Variants in AHCTF1 observed in about 807,000 individuals in gnomAD.
The protein encoded by AHCTF1 is AT-hook containing transcription factor 1.
Under a neutral mutation model 248.4 loss-of-function variants are expected in AHCTF1, and 24 were observed. That is an observed-to-expected ratio of 0.10 (90% CI 0.07 to 0.14). The LOEUF is 0.14. Among genes scored for constraint, AHCTF1 ranks in the 10% least tolerant of loss-of-function variants. The probability of loss-of-function intolerance (pLI) is 1.00; values close to 1 mark genes in which losing one functional copy is unlikely to be tolerated. For synonymous variants in AHCTF1, 786 were observed against 929.8 expected (o/e 0.85, Z 2.81); for missense variants, 2,206 against 2,636.2 (o/e 0.84, Z 3.57).
In AHCTF1 at chr1:246,850,657, A is replaced by C; in HGVS notation, c.5349T>G (p.Ser1783=). 1 of 1,613,908 alleles carries C rather than the reference A, an allele frequency of 6.2e-7. No homozygotes were observed. Among genetic ancestry groups the C allele is most frequent in the Non-Finnish European group, 8.5e-7 (1 of 1,179,842 alleles). Residue 1783 remains serine (S), a synonymous_variant, in exon 33 of 36, where the codon TCT becomes TCG. Coordinates refer to ENST00000648844, the MANE Select transcript of AHCTF1 (RefSeq NM_001323342.2). ...CAGAATAGATGTTTTCAGAAGCTTC[A>C]GAAATTTCTTTTGCCTTCCTAGTTT... is the stretch of plus-strand genomic sequence containing the variant. ...RKKTRKAKEI[S]EASENIYSDV...
At chr1:246,848,266 TAC>T (rs1479243611) in intron 33 of AHCTF1, among the ~76,000 whole-genome samples, 3 of 152,082 alleles carry the variant, frequency 2.0e-5, no homozygotes, top group Non-Finnish European at 4.4e-5. Context: ...CGGGCTGGAA[TAC>T]AGTGGCACAA....
chr1:246,910,822 G>A (rs1272642729), intron 4 of AHCTF1, among the ~76,000 whole-genome samples: 3 of 152,194 alleles, frequency 2.0e-5, no homozygotes, highest in East Asian at 3.9e-4. Flanking sequence ...TTCACACAAT[G>A]GGATACTACA....
In AHCTF1 at chr1:246,850,241, T is replaced by C. The variant is rs142603415; in HGVS notation, c.5765A>G (p.Asp1922Gly). 6,911 of 1,613,970 alleles carry C rather than the reference T, an allele frequency of 4.3e-3. 25 individuals carry two copies. Among genetic ancestry groups the C allele is most frequent in the Middle Eastern group, 0.012 (73 of 6,056 alleles). ...DASENTGNKQ[D>G]DKSSDKQLRI... The stretch of plus-strand genomic sequence containing the variant: ...CAGCTGCTTGTCACTGGATTTATCA[T>C]CTTGCTTATTTCCTGTATTTTCAGA... The change falls in exon 33 of 36, where the codon GAT (aspartate) becomes GGT (glycine). Residue 1922 changes from aspartate (D) to glycine (G), a missense_variant. Asp to Gly is a moderately conservative substitution (Grantham distance 94). Around this residue, in one of 6 missense-constraint regions of AHCTF1, gnomAD observed 469 missense variants for 470.0 expected, o/e 1.00. Transcript: ENST00000648844.
In AHCTF1 at chr1:246,885,441, AT is replaced by A; in HGVS notation, c.2660+51del. The A allele has an allele frequency of 2.7e-6, 4 of 1,456,022 alleles. No homozygotes were observed. In the East Asian group the frequency reaches 9.2e-5, roughly 34 times the overall value. 90.2% of individuals were successfully genotyped at this position (1,456,022 alleles called of 1,614,324 possible). A position where few individuals can be genotyped will look rare whatever the true frequency, so the allele number is the denominator to read the frequency against. On this transcript the variant is annotated intron_variant, in intron 21 of 35. Transcript: ENST00000648844. ...TGCCACTGTCTATCTCATCAATTCC[AT>A]TTTATTAACAGATACGATAAAGACT...
chr1:246,847,065 T>C (rs773838424), intron 33 of AHCTF1, among the ~76,000 whole-genome samples: 1 of 152,112 alleles, frequency 6.6e-6, no homozygotes, highest in Non-Finnish European at 1.5e-5. Flanking sequence ...GGCGGGTGGA[T>C]TATCTGAGGT....
At position 246,849,711 on chromosome 1, in the gene AHCTF1, T is replaced by C; in HGVS notation, c.6295A>G (p.Thr2099Ala). ...SFTKSSRSSR[T>A]RSSKAILLPD... ...AACAAGATGGCCTTGCTAGACCGAG[T>C]CCTGCTGCTGCGGGATGATTTAGTG... The change falls in exon 33 of 36, where the codon ACT becomes GCT. Residue 2099 changes from threonine (T) to alanine (A), a missense_variant. Coordinates refer to ENST00000648844, the MANE Select transcript of AHCTF1 (RefSeq NM_001323342.2). 1 of 1,614,008 alleles carries C rather than the reference T, an allele frequency of 6.2e-7. No homozygotes were observed. Among genetic ancestry groups the C allele is most frequent in the East Asian group, 2.2e-5 (1 of 44,884 alleles).
In AHCTF1 at chr1:246,861,178, C is replaced by G; in HGVS notation, c.3853G>C (p.Glu1285Gln). Residue 1285 changes from glutamate to glutamine, a missense_variant, in exon 29 of 36, where the codon GAA (glutamate) becomes CAA (glutamine). Glu to Gln is a conservative substitution (Grantham distance 29). Transcript: ENST00000648844. ...TCATCCATTTCTTGATGCTCCTTTT[C>G]AGGGCTGTTCAGGAAAAAAGATGTG... ...RTTSFFLNSPEKEHQEMDEGS... is the reference protein window; with the variant it reads ...RTTSFFLNSPQKEHQEMDEGS... The G allele has an allele frequency of 1.2e-6, 2 of 1,613,694 alleles. No individual in the cohort carries two copies. The highest frequency in any genetic ancestry group is 1.7e-6 in the Non-Finnish European group (2 of 1,180,032).
rs1276367548 is a variant in AHCTF1 at position 246,854,928 on chromosome 1, G to GTTAA, written c.4354+798_4354+801dup. Among the ~76,000 whole-genome samples the GTTAA allele has an allele frequency of 2.0e-5, 3 of 149,528 alleles. No individual in the cohort carries two copies. In the East Asian group the frequency reaches 5.9e-4, roughly 30 times the overall value. ...AAATTCAGGAAAGACACTTTAAATG[G>GTTAA]TTAATTATGGACCCCTAAAATGGGT... On this transcript the variant is annotated intron_variant, in intron 31 of 35. Coordinates refer to ENST00000648844, the MANE Select transcript of AHCTF1 (RefSeq NM_001323342.2).
chr1:246,860,400 T>C (rs1338075020), intron 29 of AHCTF1, among the ~76,000 whole-genome samples: 1 of 152,234 alleles, frequency 6.6e-6, no homozygotes, highest in African/African-American at 2.4e-5. Flanking sequence ...TTTCTAAATT[T>C]CACGGCCAAA....
chr1:246,874,606 CCT>C lies in AHCTF1; in HGVS notation c.3088+1429_3088+1430del, dbSNP rs377357876. 3.9e-3 allele frequency among the ~76,000 whole-genome samples: 589 copies of C among 152,204 alleles called. 1 individual carries two copies. The highest frequency in any genetic ancestry group is 0.014 in the African/African-American group (563 of 41,526). ...GCTGCCTTGGATTCCTTCCCTTCAC[CCT>C]GTTTAACATTAACTTATCCCTACGT... On this transcript the variant is annotated intron_variant, in intron 24 of 35. Coordinates refer to ENST00000648844, the MANE Select transcript of AHCTF1 (RefSeq NM_001323342.2).
intron 29 of AHCTF1, 49 bp downstream of exon 29, chr1:246,860,848 TTA>T: frequency 6.4e-7 from 1 of 1,568,204 alleles, no homozygotes. Flanking sequence ...ATTATAAACT[TTA>T]TTGAGGGACA....
At chr1:246,882,159 A>G (rs893922836) in intron 21 of AHCTF1, among the ~76,000 whole-genome samples, 7 of 151,390 alleles carry the variant, frequency 4.6e-5, no homozygotes, top group African/African-American at 1.7e-4. Context: ...CACCTCGCCC[A>G]GCTAATTTTT....
chr1:246,895,247 T>G (rs1380074370), intron 13 of AHCTF1, among the ~76,000 whole-genome samples: 2 of 152,218 alleles, frequency 1.3e-5, no homozygotes, highest in Non-Finnish European at 2.9e-5. Context: ...TTAATTTTCT[T>G]GATTTTTTAT....
At chr1:246,848,201 T>C (rs1158247324) in intron 33 of AHCTF1, among the ~76,000 whole-genome samples, 1 of 152,116 alleles carries the variant, frequency 6.6e-6, no homozygotes, top group African/African-American at 2.4e-5. Flanking sequence ...GGGCTCAAAC[T>C]GTATCAGTAC....
At chr1:246,866,597 T>C (rs987716622) in intron 26 of AHCTF1, among the ~76,000 whole-genome samples, 7 of 152,172 alleles carry the variant, frequency 4.6e-5, no homozygotes, top group African/African-American at 1.7e-4. Context: ...AATGATTATT[T>C]ATAATCATTA....
chr1:246,867,425 G>T, intron 25 of AHCTF1, 74 bp from the exon 26 acceptor site: 1 of 1,077,864 alleles, frequency 9.3e-7, no homozygotes, highest in South Asian at 1.6e-5. Context: ...TGGGAGAACA[G>T]AGGGTTTTCA....
chr1:246,847,122 AC>A (rs1242459292), intron 33 of AHCTF1, among the ~76,000 whole-genome samples: 3 of 152,054 alleles, frequency 2.0e-5, no homozygotes, highest in African/African-American at 7.2e-5. Flanking sequence ...CCCTGTCTCT[AC>A]TAAAAATACA....
chr1:246,866,144 T>C (rs1661961372), intron 26 of AHCTF1, among the ~76,000 whole-genome samples: 1 of 152,092 alleles, frequency 6.6e-6, no homozygotes, highest in East Asian at 1.9e-4. Context: ...ACACAGAAGG[T>C]AAATATTCAA....
intron 1 of AHCTF1, among the ~76,000 whole-genome samples, chr1:246,918,957 A>G (rs1395836630): frequency 6.6e-6 from 1 of 152,274 alleles, no homozygotes; most frequent in African/African-American, 2.4e-5. Context: ...AGAAAAATGT[A>G]TAAATTCACA....
Sources: gnomAD v4.1 joint callset for allele counts (sites outside exome capture counted in the v4.1 genomes callset) on GRCh38, gnomAD v4.1.1 for gene constraint, gnomAD v4.1.1 regional missense constraint, MANE v1.5 for transcripts, NCBI Gene and HGNC (gene_info 2026-07-23, HGNC 2026-07-21) for gene names.